The following SOX6 variants were observed in gnomAD, a reference collection of about 807,000 sequenced individuals.
SOX6 encodes the protein SRY-box transcription factor 6.
A neutral mutation model predicts 97.8 loss-of-function variants in SOX6; 11 were observed. That is an observed-to-expected ratio of 0.11 (90% CI 0.07 to 0.19). The LOEUF is 0.19. Among genes scored for constraint, SOX6 ranks in the 10% least tolerant of loss-of-function variants. The probability of loss-of-function intolerance (pLI) is 1.00; values close to 1 mark genes in which losing one functional copy is unlikely to be tolerated. For synonymous variants in SOX6, 360 were observed against 371.4 expected (o/e 0.97, Z 0.35); for missense variants, 810 against 1,039.5 (o/e 0.78, Z 3.04).
At chr11:16,334,754 T>C (rs576829100) in intron 2 of SOX6, among the ~76,000 whole-genome samples, 15 of 152,190 alleles carry the variant, frequency 9.9e-5, no homozygotes, top group Admixed American at 6.5e-4. Context: ...GATGAAGATT[T>C]TAATAATATG....
intron 2 of SOX6, among the ~76,000 whole-genome samples, chr11:16,336,309 C>A (rs971057204): frequency 1.3e-5 from 2 of 152,136 alleles, no homozygotes; most frequent in African/African-American, 4.8e-5. Context: ...TCGGCCCATT[C>A]TCTGGCCGAG....
At chr11:16,391,842 T>C (rs1858193903) in intron 1 of SOX6, among the ~76,000 whole-genome samples, 1 of 152,064 alleles carries the variant, frequency 6.6e-6, no homozygotes, top group Admixed American at 6.6e-5. Context: ...ATTTAATTTT[T>C]ATAACTCTAC....
At chr11:16,338,848 C>A (rs1215026335) in intron 2 of SOX6, among the ~76,000 whole-genome samples, 1 of 151,844 alleles carries the variant, frequency 6.6e-6, no homozygotes, top group South Asian at 2.1e-4. Context: ...ATTTTTAAGA[C>A]AAAATTTTAG....
chr11:16,404,511 GC>G (rs1261029875), intron 1 of SOX6, among the ~76,000 whole-genome samples: 1 of 151,752 alleles, frequency 6.6e-6, no homozygotes, highest in Non-Finnish European at 1.5e-5. Context: ...TCAATAGAAA[GC>G]CATTTTTTAA....
chr11:16,566,091 G>A (rs1478689941), intron 4 of SOX6, among the ~76,000 whole-genome samples: 7 of 114,900 alleles, frequency 6.1e-5, no homozygotes, highest in Admixed American at 1.7e-4. Context: ...GCGAGACTCC[G>A]TCTCAAAAAA....
intron 13 of SOX6, among the ~76,000 whole-genome samples, chr11:16,013,883 G>C (rs950397477): frequency 6.6e-6 from 1 of 151,984 alleles, no homozygotes; most frequent in African/African-American, 2.4e-5. Context: ...CAGTTTAGAT[G>C]CTGCTATGAA....
intron 6 of SOX6, among the ~76,000 whole-genome samples, chr11:16,115,750 GA>G (rs1214638701): frequency 2.6e-5 from 4 of 152,186 alleles, no homozygotes; most frequent in African/African-American, 9.7e-5. Context: ...TTCAGTGATA[GA>G]AAAGGGAGAA....
chr11:16,394,405 C>G (rs1274299495), intron 1 of SOX6, among the ~76,000 whole-genome samples: 2 of 151,790 alleles, frequency 1.3e-5, no homozygotes, highest in African/African-American at 4.8e-5. Context: ...TAATTAAATC[C>G]TCTTTTTTAT....
intron 4 of SOX6, among the ~76,000 whole-genome samples, chr11:16,490,940 A>G (rs1214408723): frequency 6.6e-6 from 1 of 152,186 alleles, no homozygotes; most frequent in Non-Finnish European, 1.5e-5. Context: ...CATGATTCTT[A>G]TTAATAAAAT....
chr11:16,736,951 TTATAG>T (rs1292050611), intron 1 of SOX6, among the ~76,000 whole-genome samples: 1 of 152,226 alleles, frequency 6.6e-6, no homozygotes, highest in Non-Finnish European at 1.5e-5. Context: ...TCTTTTTCTA[TTATAG>T]TACTTACTAT....
chr11:16,072,637 A>C (rs573131715), intron 9 of SOX6, among the ~76,000 whole-genome samples: 26 of 152,206 alleles, frequency 1.7e-4, no homozygotes, highest in Non-Finnish European at 3.5e-4. Context: ...TCCCTAAGAC[A>C]TACAGTCATC....
chr11:16,584,126 A>T (rs1043401709), intron 4 of SOX6, among the ~76,000 whole-genome samples: 2 of 152,194 alleles, frequency 1.3e-5, no homozygotes, highest in Non-Finnish European at 2.9e-5. Flanking sequence ...TTTTTATTAA[A>T]CAATGAACAA....
chr11:16,521,231 C>A (rs1861052751), intron 4 of SOX6, among the ~76,000 whole-genome samples: 1 of 152,200 alleles, frequency 6.6e-6, no homozygotes, highest in South Asian at 2.1e-4. Flanking sequence ...GAGGCACCCC[C>A]AGTAGGGGCA....
chr11:16,124,726 G>T (rs938666894), intron 6 of SOX6, among the ~76,000 whole-genome samples: 1 of 152,046 alleles, frequency 6.6e-6, no homozygotes, highest in African/African-American at 2.4e-5. Context: ...AATCGGAATT[G>T]TATTCTTAGT....
At chr11:16,492,968 T>C (rs1860534920) in intron 4 of SOX6, among the ~76,000 whole-genome samples, 1 of 152,134 alleles carries the variant, frequency 6.6e-6, no homozygotes, top group Admixed American at 6.5e-5. Flanking sequence ...ATAATATAAA[T>C]AATGGGAGAA....
At chr11:16,511,289 G>A (rs1297204139) in intron 4 of SOX6, among the ~76,000 whole-genome samples, 3 of 152,094 alleles carry the variant, frequency 2.0e-5, no homozygotes, top group African/African-American at 7.2e-5. Context: ...CACAGTTTCA[G>A]TCATCAGTGC....
At chr11:16,118,920 T>G (rs964168553) in intron 6 of SOX6, among the ~76,000 whole-genome samples, 1 of 152,114 alleles carries the variant, frequency 6.6e-6, no homozygotes, top group Non-Finnish European at 1.5e-5. Context: ...CTTAAACTGT[T>G]GAAAGAAATG....
chr11:16,158,088 C>G (rs1487320658), intron 6 of SOX6, among the ~76,000 whole-genome samples: 1 of 151,884 alleles, frequency 6.6e-6, no homozygotes, highest in Non-Finnish European at 1.5e-5. Context: ...GCATAGTACC[C>G]AAAGACTAGT....
chr11:16,600,919 G>T (rs1848260883), intron 4 of SOX6, among the ~76,000 whole-genome samples: 1 of 152,112 alleles, frequency 6.6e-6, no homozygotes, highest in Admixed American at 6.6e-5. Flanking sequence ...AATATAAATT[G>T]CTTTTCCTAC....
Sources: allele counts gnomAD v4.1 joint callset (sites outside exome capture counted in the v4.1 genomes callset), GRCh38; gene constraint gnomAD v4.1.1; transcripts MANE v1.5; gene names NCBI Gene and HGNC (gene_info 2026-07-23, HGNC 2026-07-21).